CEP162: variants seen among roughly 807,000 people sequenced by gnomAD.
CEP162 encodes centrosomal protein of 162 kDa.
A neutral mutation model predicts 169.2 loss-of-function variants in CEP162; 141 were observed. The observed-to-expected ratio is 0.83, with a 90% CI of 0.73 to 0.96. The LOEUF (loss-of-function observed/expected upper bound fraction) is 0.96, where lower values mean the gene tolerates loss of function less well. Ranked by LOEUF, CEP162 falls within the 40% of genes least tolerant of loss-of-function variation. The probability of loss-of-function intolerance (pLI) is 0.00; values close to 1 mark genes in which losing one functional copy is unlikely to be tolerated. For synonymous variants in CEP162, 540 were observed against 526.4 expected (o/e 1.03, Z -0.35); for missense variants, 1,600 against 1,587.2 (o/e 1.01, Z -0.14).
intron 6 of CEP162, among the ~76,000 whole-genome samples, chr6:84,206,863 C>G (rs2099547368): frequency 6.6e-6 from 1 of 152,070 alleles, no homozygotes; most frequent in Non-Finnish European, 1.5e-5. Flanking sequence ...AGAACTCAAA[C>G]AAATTTATAA....
intron 16 of CEP162, among the ~76,000 whole-genome samples, 198 bp downstream of exon 16, chr6:84,173,850 A>C (rs1235032659): frequency 6.6e-6 from 1 of 151,444 alleles, no homozygotes; most frequent in Non-Finnish European, 1.5e-5. Flanking sequence ...TGCCCAGCCA[A>C]TTTTTTTTAT....
At chr6:84,137,260 A>C (rs1280317468) in intron 25 of CEP162, among the ~76,000 whole-genome samples, 1 of 152,182 alleles carries the variant, frequency 6.6e-6, no homozygotes, top group Non-Finnish European at 1.5e-5. Flanking sequence ...CCAGCATGCC[A>C]AGTGTGGCCT....
chr6:84,180,938 T>G (rs1221819551), intron 13 of CEP162, among the ~76,000 whole-genome samples: 4 of 152,172 alleles, frequency 2.6e-5, no homozygotes, highest in Non-Finnish European at 5.9e-5. Flanking sequence ...ATTTATAGAT[T>G]CAGTGCCATC....
intron 16 of CEP162, among the ~76,000 whole-genome samples, chr6:84,172,961 A>G (rs529272061): frequency 6.6e-6 from 1 of 152,336 alleles, no homozygotes; most frequent in East Asian, 1.9e-4. Context: ...CAACACCAAG[A>G]TACCAAGATG....
intron 16 of CEP162, among the ~76,000 whole-genome samples, chr6:84,172,251 A>G (rs1285896906): frequency 6.6e-6 from 1 of 152,186 alleles, no homozygotes; most frequent in African/African-American, 2.4e-5. Context: ...TGTTTCTGAA[A>G]GTTGTCAGGA....
At chr6:84,205,452 G>C (rs1366786557) in intron 6 of CEP162, among the ~76,000 whole-genome samples, 1 of 152,136 alleles carries the variant, frequency 6.6e-6, no homozygotes, top group Non-Finnish European at 1.5e-5. Context: ...CATATAAACA[G>C]AGCCAAAAAC....
At chr6:84,169,862 T>C (rs2099529298) in intron 17 of CEP162, among the ~76,000 whole-genome samples, 1 of 152,192 alleles carries the variant, frequency 6.6e-6, no homozygotes, top group Non-Finnish European at 1.5e-5. Flanking sequence ...ATATCTGGAC[T>C]TTAGATTCAA....
chr6:84,226,989 T>C (rs1398622902), intron 1 of CEP162, among the ~76,000 whole-genome samples: 1 of 152,214 alleles, frequency 6.6e-6, no homozygotes, highest in South Asian at 2.1e-4. Flanking sequence ...TAGTAAGAAT[T>C]AGTAATTTAG....
Position 84,153,025 on chromosome 6 carries a change from T to A in CEP162, c.3149A>T (p.Asp1050Val). Residue 1050 changes from aspartate (D) to valine (V), a missense_variant, in exon 23 of 27, where the codon GAC becomes GTC. Transcript: ENST00000403245. ...TTCAGCATTCTGATGTTTAAGAACG[T>A]CTATTTCGGCTTCAAGGTTTCTTAC... Reference protein sequence around the residue: ...ITVRNLEAEIDVLKHQNAELD... With the variant: ...ITVRNLEAEIVVLKHQNAELD... The A allele has an allele frequency of 6.2e-7, 1 of 1,613,592 alleles. No homozygotes were observed. Among genetic ancestry groups the A allele is most frequent in the Non-Finnish European group, 8.5e-7 (1 of 1,179,740 alleles).
chr6:84,158,354 T>C (rs908779978), intron 21 of CEP162, among the ~76,000 whole-genome samples: 2 of 152,168 alleles, frequency 1.3e-5, no homozygotes, highest in African/African-American at 4.8e-5. Context: ...GTTGATATAA[T>C]TGAGGATCAA....
intron 16 of CEP162, 146 bp from the exon 17 acceptor site, chr6:84,171,864 T>G (rs1375051973): frequency 4.9e-6 from 2 of 405,540 alleles, no homozygotes; most frequent in Non-Finnish European, 8.7e-6. Context: ...TTAAACTTTT[T>G]ATATTATATC....
intron 22 of CEP162, 99 bp from the exon 23 acceptor site, chr6:84,153,278 G>A (rs2099521834): frequency 9.3e-7 from 1 of 1,073,712 alleles, no homozygotes. Context: ...CCTTTATTCA[G>A]GTACTCATTA....
At chr6:84,201,823 AC>A in intron 7 of CEP162, 56 bp from the exon 8 acceptor site, 1 of 875,004 alleles carries the variant, frequency 1.1e-6, no homozygotes, top group Non-Finnish European at 1.8e-6. Flanking sequence ...ATGTAAAATT[AC>A]CACAATGCAA....
At chr6:84,135,319 G>A (rs1169272875) in intron 25 of CEP162, among the ~76,000 whole-genome samples, 1 of 152,180 alleles carries the variant, frequency 6.6e-6, no homozygotes, top group Non-Finnish European at 1.5e-5. Flanking sequence ...GTAAAAAAGA[G>A]TGATTCACCC....
At position 84,146,777 on chromosome 6, in the gene CEP162, T is replaced by G; in HGVS notation, c.3780A>C (p.Ile1260=). 1 of 1,528,170 alleles carries G rather than the reference T, an allele frequency of 6.5e-7. No individual in the cohort carries two copies. Among genetic ancestry groups the G allele is most frequent in the Non-Finnish European group, 8.9e-7 (1 of 1,119,698 alleles). 94.7% of individuals were successfully genotyped at this position (1,528,170 alleles called of 1,614,324 possible). The change falls in exon 25 of 27, where the codon ATA becomes ATC. Residue 1260 remains isoleucine, a synonymous_variant. Coordinates refer to ENST00000403245, the MANE Select transcript of CEP162 (RefSeq NM_014895.4). ...CATTAACTTGACTTTGGAAATGTCT[T>G]ATAAGTACCTAGGAAATTGTTAGAA... The part of the protein sequence containing the change: ...NRKIATQEVL[I]RHFQSQVNEL...
Position 84,124,847 on chromosome 6 carries a change from T to TA in CEP162, c.*222dup. On this transcript the variant is annotated 3_prime_UTR_variant, in exon 27 of 27. Transcript: ENST00000403245. ...TCTCTGCTATAAAGGAAACTGTCCATAAATCACTTAAAATGAGACTGGTTA... is the reference window on the plus strand; with the variant it reads ...TCTCTGCTATAAAGGAAACTGTCCATAAAATCACTTAAAATGAGACTGGTTA... 7.4e-6 allele frequency: 4 copies of TA among 542,258 alleles called. No homozygotes were observed. The highest frequency in any genetic ancestry group is 3.2e-6 in the Non-Finnish European group (1 of 313,462). 33.6% of individuals were successfully genotyped at this position (542,258 alleles called of 1,614,324 possible).
chr6:84,132,653 C>T (rs2099512090), intron 25 of CEP162, among the ~76,000 whole-genome samples: 1 of 152,176 alleles, frequency 6.6e-6, no homozygotes, highest in Admixed American at 6.5e-5. Flanking sequence ...GAAGCTTGTG[C>T]ATACATCACA....
intron 3 of CEP162, among the ~76,000 whole-genome samples, chr6:84,220,325 A>C (rs566032402): frequency 3.3e-5 from 5 of 152,300 alleles, no homozygotes; most frequent in African/African-American, 1.2e-4. Context: ...TGGCAGTATC[A>C]TGTATAGTAA....
chr6:84,159,883 A>C (rs544454747), intron 21 of CEP162, among the ~76,000 whole-genome samples: 8 of 152,016 alleles, frequency 5.3e-5, no homozygotes, highest in Admixed American at 2.6e-4. Flanking sequence ...CGCCTGGCCA[A>C]ATATTTCTAG....
Sources: allele counts gnomAD v4.1 joint callset (sites outside exome capture counted in the v4.1 genomes callset), GRCh38; gene constraint gnomAD v4.1.1; transcripts MANE v1.5; gene names NCBI Gene and HGNC (gene_info 2026-07-23, HGNC 2026-07-21).